MAGI1: variants seen among roughly 807,000 people sequenced by gnomAD.
MAGI1 encodes membrane-associated guanylate kinase, WW and PDZ domain-containing protein 1.
MAGI1 carries 58 observed loss-of-function variants against 139.9 expected under a neutral mutation model. The observed-to-expected ratio is 0.41, with a 90% confidence interval of 0.34 to 0.52. The LOEUF is 0.52. MAGI1 is among the 20% of genes least tolerant of loss of function. The pLI is 0.12. For missense variants in MAGI1, 1,874 were observed against 1,901.6 expected, an observed-to-expected ratio of 0.99 and a Z score of 0.27; for synonymous variants, 812 against 737.9, an observed-to-expected ratio of 1.10 and a Z score of -1.63.
chr3:65,434,726 C>T (rs1180491885), intron 10 of MAGI1, among the ~76,000 whole-genome samples: 1 of 152,040 alleles, frequency 6.6e-6, no homozygotes, highest in African/African-American at 2.4e-5. Context: ...CAGCTTGGAG[C>T]CAAATGGTAT....
intron 16 of MAGI1, among the ~76,000 whole-genome samples, chr3:65,380,445 T>A (rs1942953571): frequency 6.6e-6 from 1 of 152,166 alleles, no homozygotes; most frequent in African/African-American, 2.4e-5. Context: ...ATCATCATCA[T>A]CCATCTCCAG....
At chr3:65,758,202 C>A (rs1473927871) in intron 1 of MAGI1, among the ~76,000 whole-genome samples, 3 of 152,138 alleles carry the variant, frequency 2.0e-5, no homozygotes, top group Admixed American at 2.0e-4. Flanking sequence ...TAGAATGGAG[C>A]TGTTGAGCCA....
At chr3:65,714,077 G>A (rs1016625789) in intron 1 of MAGI1, among the ~76,000 whole-genome samples, 5 of 152,196 alleles carry the variant, frequency 3.3e-5, no homozygotes, top group Non-Finnish European at 7.3e-5. Flanking sequence ...TGCTCTATCT[G>A]TAAAACAGGC....
chr3:66,028,636 C>T (rs1452047339), intron 1 of MAGI1, among the ~76,000 whole-genome samples: 1 of 152,070 alleles, frequency 6.6e-6, no homozygotes, highest in Non-Finnish European at 1.5e-5. Flanking sequence ...CCTGCCTGAA[C>T]ACGCAAGAAC....
chr3:65,568,942 T>C (rs1009006996), intron 2 of MAGI1, among the ~76,000 whole-genome samples: 1 of 152,232 alleles, frequency 6.6e-6, no homozygotes, highest in Non-Finnish European at 1.5e-5. Flanking sequence ...GCAGTTGACA[T>C]CAAATAGCAG....
chr3:65,728,788 G>C (rs1485129506), intron 1 of MAGI1, among the ~76,000 whole-genome samples: 1 of 152,004 alleles, frequency 6.6e-6, no homozygotes, highest in African/African-American at 2.4e-5. Flanking sequence ...AATCTTAAAG[G>C]AACTTGGGGA....
At chr3:65,813,932 T>C (rs965377105) in intron 1 of MAGI1, among the ~76,000 whole-genome samples, 5 of 152,188 alleles carry the variant, frequency 3.3e-5, no homozygotes, top group African/African-American at 9.7e-5. Flanking sequence ...TGAATCCCAA[T>C]AGACAGGTCT....
At chr3:65,741,887 A>G (rs2035304116) in intron 1 of MAGI1, among the ~76,000 whole-genome samples, 1 of 152,160 alleles carries the variant, frequency 6.6e-6, no homozygotes, top group Non-Finnish European at 1.5e-5. Context: ...CCCACGACCA[A>G]TTTTAATCAC....
intron 3 of MAGI1, among the ~76,000 whole-genome samples, chr3:65,484,708 C>T (rs1315635643): frequency 2.6e-5 from 4 of 152,044 alleles, no homozygotes; most frequent in African/African-American, 9.7e-5. Context: ...GTGCCCCCTT[C>T]CCCCATCTCA....
At chr3:65,717,913 C>T (rs1411364543) in intron 1 of MAGI1, among the ~76,000 whole-genome samples, 2 of 152,204 alleles carry the variant, frequency 1.3e-5, no homozygotes, top group African/African-American at 2.4e-5. Flanking sequence ...ACTGTAATAG[C>T]AGAGTGTGGT....
intron 1 of MAGI1, among the ~76,000 whole-genome samples, chr3:65,673,293 A>C (rs1396633089): frequency 6.6e-6 from 1 of 152,212 alleles, no homozygotes; most frequent in Non-Finnish European, 1.5e-5. Flanking sequence ...TGAAGCCTAA[A>C]ATAACTGCCT....
chr3:65,936,911 GT>G lies in MAGI1; in HGVS notation c.313+101084del, dbSNP rs1560031999. Among the ~76,000 whole-genome samples the G allele has an allele frequency of 7.5e-4, 106 of 141,478 alleles. No individual in the cohort carries two copies. In the East Asian group the frequency reaches 0.02, roughly 27 times the overall value. The allele number at this position is 141,478 out of a possible 152,430, so 92.8% of individuals were successfully genotyped here. On this transcript the variant is annotated intron_variant, in intron 1 of 22. Transcript: ENST00000402939. Reference sequence around the variant, plus strand: ...TGAGCTCAGGTTCAAAGTTGTTGTTGTTGTTGTTGGTGGTGGTGGTGGTGAT... The same window carrying G: ...TGAGCTCAGGTTCAAAGTTGTTGTTGTGTTGTTGGTGGTGGTGGTGGTGAT...
At chr3:65,583,229 C>T (rs2081521209) in intron 2 of MAGI1, among the ~76,000 whole-genome samples, 1 of 152,154 alleles carries the variant, frequency 6.6e-6, no homozygotes, top group Non-Finnish European at 1.5e-5. Flanking sequence ...CAAGCACCTT[C>T]TCTCCCAAGT....
intron 2 of MAGI1, among the ~76,000 whole-genome samples, chr3:65,556,474 G>A (rs550102092): frequency 6.4e-4 from 97 of 152,150 alleles, no homozygotes; most frequent in Non-Finnish European, 1.2e-3. Flanking sequence ...AGCCTGGTCC[G>A]CTTTCAGAGT....
At position 65,927,933 on chromosome 3, in the gene MAGI1, G is replaced by C. The variant is rs143951138; in HGVS notation, c.313+110063C>G. ...CTTTTCAGAAAAAGCAATCAAGAAT[G>C]ATGAGTATCTGAAAATTAAGCCACT... On this transcript the variant is annotated intron_variant, in intron 1 of 22. Coordinates refer to ENST00000402939, the MANE Select transcript of MAGI1 (RefSeq NM_001033057.2). Among the ~76,000 whole-genome samples the C allele has an allele frequency of 1.9e-3, 285 of 152,246 alleles. 4 individuals carry two copies. The highest frequency in any genetic ancestry group is 0.015 in the South Asian group (72 of 4,832).
At chr3:65,693,096 T>C (rs1025918667) in intron 1 of MAGI1, among the ~76,000 whole-genome samples, 1 of 152,036 alleles carries the variant, frequency 6.6e-6, no homozygotes, top group South Asian at 2.1e-4. Flanking sequence ...ATACTATGCC[T>C]GGCTATTTTT....
intron 1 of MAGI1, among the ~76,000 whole-genome samples, chr3:65,814,521 TTC>T (rs2041481124): frequency 6.6e-6 from 1 of 152,188 alleles, no homozygotes; most frequent in South Asian, 2.1e-4. Context: ...CAAAAATGAT[TTC>T]TTTCGCCCAG....
At chr3:65,482,772 T>C (rs1238617558) in intron 3 of MAGI1, among the ~76,000 whole-genome samples, 1 of 152,234 alleles carries the variant, frequency 6.6e-6, no homozygotes, top group Non-Finnish European at 1.5e-5. Flanking sequence ...TAATTTGGAT[T>C]AGTGACCAAC....
chr3:65,580,405 T>C (rs2081363273), intron 2 of MAGI1, among the ~76,000 whole-genome samples: 1 of 152,098 alleles, frequency 6.6e-6, no homozygotes, highest in African/African-American at 2.4e-5. Context: ...TCAAGTGCAA[T>C]GACAGCTACA....
Sources: gnomAD v4.1 joint callset for allele counts (sites outside exome capture counted in the v4.1 genomes callset) on GRCh38, gnomAD v4.1.1 for gene constraint, MANE v1.5 for transcripts, NCBI Gene and HGNC (gene_info 2026-07-23, HGNC 2026-07-21) for gene names.